ZCCHC14: variants seen among roughly 807,000 people sequenced by gnomAD.
ZCCHC14 encodes the protein zinc finger CCHC-type containing 14, also known as zinc finger CCHC domain-containing protein 14.
A neutral mutation model predicts 85.0 loss-of-function variants in ZCCHC14; 16 were observed. The ratio of observed to expected loss-of-function variants is 0.19; its 90% CI spans 0.13 to 0.29. The LOEUF (loss-of-function observed/expected upper bound fraction) is 0.29, where lower values mean the gene tolerates loss of function less well. Among genes scored for constraint, ZCCHC14 ranks in the 10% least tolerant of loss-of-function variants. The pLI is 1.00. For synonymous variants in ZCCHC14, 775 were observed against 630.7 expected, an observed-to-expected ratio of 1.23 and a Z score of -3.43; for missense variants, 1,303 against 1,443.5, an observed-to-expected ratio of 0.90 and a Z score of 1.58.
intron 3 of ZCCHC14, among the ~76,000 whole-genome samples, chr16:87,431,869 CACG>C (rs1263790103): frequency 2.6e-5 from 4 of 152,192 alleles, no homozygotes; most frequent in Non-Finnish European, 5.9e-5. Flanking sequence ...GCCTGGGCTG[CACG>C]ACATGAGACC....
intron 1 of ZCCHC14, among the ~76,000 whole-genome samples, chr16:87,479,652 C>A (rs1433636944): frequency 6.6e-6 from 1 of 152,120 alleles, no homozygotes; most frequent in African/African-American, 2.4e-5. Flanking sequence ...CGAGGCTTAC[C>A]ATGATTTAAA....
At chr16:87,481,536 G>T (rs1597454176) in intron 1 of ZCCHC14, among the ~76,000 whole-genome samples, 9 of 32,008 alleles carry the variant, frequency 2.8e-4, no homozygotes, top group Non-Finnish European at 4.4e-4. Flanking sequence ...CGGGGGGGGG[G>T]GGGGGTGGGG....
intron 1 of ZCCHC14, among the ~76,000 whole-genome samples, chr16:87,477,132 A>C (rs993915057): frequency 9.0e-5 from 13 of 144,788 alleles, no homozygotes; most frequent in Non-Finnish European, 1.8e-4. Context: ...AAAAAAAAAA[A>C]AAAAAAAAAC....
intron 1 of ZCCHC14, chr16:87,474,505 G>A (rs1911915612): frequency 6.6e-6 from 1 of 152,160 alleles, no homozygotes; most frequent in Non-Finnish European, 1.5e-5. Flanking sequence ...TGAGACGTTG[G>A]ACCAATCCTC....
At chr16:87,451,932 C>A (rs1280905159) in intron 2 of ZCCHC14, among the ~76,000 whole-genome samples, 1 of 152,250 alleles carries the variant, frequency 6.6e-6, no homozygotes, top group East Asian at 1.9e-4. Flanking sequence ...TATTTCACCC[C>A]TCAAAGCCGC....
At chr16:87,453,236 G>A (rs775887678) in intron 2 of ZCCHC14, among the ~76,000 whole-genome samples, 1 of 152,196 alleles carries the variant, frequency 6.6e-6, no homozygotes, top group Non-Finnish European at 1.5e-5. Context: ...ACCTGGGCCC[G>A]CTGGGCCACA....
At chr16:87,467,644 C>T (rs1041583432) in intron 1 of ZCCHC14, 10 of 969,132 alleles carry the variant, frequency 1.0e-5, no homozygotes, top group South Asian at 5.1e-5. Context: ...CTGAATTTCC[C>T]TGGTCGAACG....
chr16:87,426,276 C>T (rs1341146491), intron 3 of ZCCHC14, among the ~76,000 whole-genome samples: 1 of 152,224 alleles, frequency 6.6e-6, no homozygotes. Flanking sequence ...ATCCTCTTGT[C>T]ATACCTGCCT....
chr16:87,479,148 G>A (rs1264082908), intron 1 of ZCCHC14, among the ~76,000 whole-genome samples: 2 of 152,050 alleles, frequency 1.3e-5, no homozygotes, highest in African/African-American at 4.8e-5. Context: ...TGGGCGTGGT[G>A]GCTCACACCT....
chr16:87,430,880 C>T (rs538220063), intron 3 of ZCCHC14, among the ~76,000 whole-genome samples: 103 of 152,318 alleles, frequency 6.8e-4, no homozygotes, highest in African/African-American at 2.4e-3. Context: ...GCACTCATGC[C>T]TGTAATCCCA....
rs1908874962 is a variant in ZCCHC14, at chr16:87,417,821, G to C, written c.1101-79C>G. 2.1e-6 allele frequency: 3 copies of C among 1,449,450 alleles called. No individual in the cohort carries two copies. In the South Asian group the frequency reaches 4.2e-5, roughly 20 times the overall value. The allele number at this position is 1,449,450 out of a possible 1,614,324, so 89.8% of individuals were successfully genotyped here. On this transcript the variant is annotated intron_variant, in intron 7 of 12. Coordinates refer to ENST00000671377, the MANE Select transcript of ZCCHC14 (RefSeq NM_015144.3). ...GACTCCACCACAGACCTCACTTCCAGGCCTTTCTGTGCCAGCCTCTGCCTC... is the reference window on the plus strand; with the variant it reads ...GACTCCACCACAGACCTCACTTCCACGCCTTTCTGTGCCAGCCTCTGCCTC...
chr16:87,464,370 T>C (rs1045316411), intron 1 of ZCCHC14, among the ~76,000 whole-genome samples: 11 of 152,304 alleles, frequency 7.2e-5, no homozygotes, highest in African/African-American at 2.6e-4. Context: ...TCTCTGGTGA[T>C]TCTAATTTGC....
chr16:87,467,359 CT>C, intron 1 of ZCCHC14: 2 of 1,597,626 alleles, frequency 1.3e-6, no homozygotes, highest in Non-Finnish European at 1.7e-6. Flanking sequence ...CTCTGCACCC[CT>C]GGGGTAATTA....
intron 1 of ZCCHC14, among the ~76,000 whole-genome samples, chr16:87,487,974 G>A (rs1464450545): frequency 6.6e-6 from 1 of 152,106 alleles, no homozygotes; most frequent in African/African-American, 2.4e-5. Context: ...GTTGGGGGGA[G>A]GGGGAATGGG....
chr16:87,479,416 CAAA>C (rs35830701), intron 1 of ZCCHC14, among the ~76,000 whole-genome samples: 2,491 of 119,320 alleles, frequency 0.021, 23 homozygotes, highest in Middle Eastern at 0.056. Context: ...GACTACGTCT[CAAA>C]AAAAAAAAAA....
intron 1 of ZCCHC14, among the ~76,000 whole-genome samples, chr16:87,485,593 A>AAC (rs1912478470): frequency 6.7e-6 from 1 of 150,328 alleles, no homozygotes; most frequent in African/African-American, 2.4e-5. Context: ...AGTTTTCCAA[A>AAC]AAAAAAAAAA....
At chr16:87,445,500 G>A (rs895757675) in intron 2 of ZCCHC14, among the ~76,000 whole-genome samples, 1 of 152,134 alleles carries the variant, frequency 6.6e-6, no homozygotes, top group Non-Finnish European at 1.5e-5. Context: ...TGATTGCTGT[G>A]TTATCTTCCT....
chr16:87,453,660 T>A (rs1910817955), intron 2 of ZCCHC14, among the ~76,000 whole-genome samples: 1 of 152,234 alleles, frequency 6.6e-6, no homozygotes. Context: ...AGCAGAAGCC[T>A]CGACCTTGTC....
In ZCCHC14 at chr16:87,492,146, G is replaced by A; in HGVS notation, c.93C>T (p.Gly31=). Residue 31 remains glycine (G), a synonymous_variant, in exon 1 of 13, where the codon GGC becomes GGT. Coordinates refer to ENST00000671377, the MANE Select transcript of ZCCHC14 (RefSeq NM_015144.3). The surrounding 1 kb of genome is among the most constrained non-coding windows in gnomAD (Gnocchi z 6.7). The part of the protein sequence containing the change: ...PSPQRVEFLC[G]LLDLCIPLEL... ...CGAGCGGGATGCACAGGTCCAGCAGGCCGCACAGGAACTCCACGCGCTGCG... is the reference window on the plus strand; with the variant it reads ...CGAGCGGGATGCACAGGTCCAGCAGACCGCACAGGAACTCCACGCGCTGCG... The A allele has an allele frequency of 1.3e-5, 17 of 1,291,964 alleles. No homozygotes were observed. The highest frequency in any genetic ancestry group is 1.5e-5 in the Non-Finnish European group (15 of 1,022,596). 80.0% of individuals were successfully genotyped at this position (1,291,964 alleles called of 1,614,324 possible). A position where few individuals can be genotyped will look rare whatever the true frequency, so the allele number is the denominator to read the frequency against.
Sources: allele counts gnomAD v4.1 joint callset (sites outside exome capture counted in the v4.1 genomes callset), GRCh38; gene constraint gnomAD v4.1.1; non-coding constraint Gnocchi (gnomAD v3.1); transcripts MANE v1.5; gene names NCBI Gene and HGNC (gene_info 2026-07-23, HGNC 2026-07-21).